The following VWCE variants were observed in gnomAD, a reference collection of about 807,000 sequenced individuals.
The protein encoded by VWCE is von Willebrand factor C and EGF domain-containing protein.
In VWCE, 68 loss-of-function variants were observed where a neutral mutation model predicts 102.9. The observed-to-expected ratio is 0.66, with a 90% CI of 0.54 to 0.81. VWCE has a LOEUF of 0.81. VWCE is among the 30% of genes least tolerant of loss of function. The pLI, the probability that VWCE is intolerant of heterozygous loss-of-function variation, is 0.00. For missense variants in VWCE, 1,137 were observed against 1,263.6 expected, an observed-to-expected ratio of 0.90 and a Z score of 1.52; for synonymous variants, 497 against 515.4, an observed-to-expected ratio of 0.96 and a Z score of 0.48.
In VWCE at chr11:61,294,308, C is replaced by T. The variant is rs1794116423; in HGVS notation, c.110+620G>A. Among the ~76,000 whole-genome samples, 1 of 152,224 alleles carries T rather than the reference C, an allele frequency of 6.6e-6. No individual in the cohort carries two copies. Among genetic ancestry groups the T allele is most frequent in the African/African-American group, 2.4e-5 (1 of 41,458 alleles). On this transcript the variant is annotated intron_variant, in intron 1 of 19. Coordinates refer to ENST00000335613, the MANE Select transcript of VWCE (RefSeq NM_152718.2). The surrounding 1 kb of genome is among the most constrained non-coding windows in gnomAD (Gnocchi z 6.3). ...GGCCGCGGGCCAGGCCGCCTGCTGA[C>T]ACAGTGTTCCCTAGCTCCGAGCATC...
chr11:61,283,019 C>A (rs2134824773), intron 5 of VWCE, 114 bp from the exon 6 acceptor site: 2 of 876,640 alleles, frequency 2.3e-6, no homozygotes, highest in Non-Finnish European at 3.8e-6. Flanking sequence ...CTGTGGGGAA[C>A]CACCTTAGCT....
At chr11:61,262,234 G>A (rs377269896) in intron 19 of VWCE, among the ~76,000 whole-genome samples, 6 of 152,294 alleles carry the variant, frequency 3.9e-5, no homozygotes, top group East Asian at 3.9e-4. Context: ...GATTACAGGC[G>A]TGAGCCACCA....
In VWCE at chr11:61,295,064, T is replaced by A. The variant is rs755097313; in HGVS notation, c.-27A>T. 1 of 1,315,354 alleles carries A rather than the reference T, an allele frequency of 7.6e-7. No individual in the cohort carries two copies. Among genetic ancestry groups the A allele is most frequent in the South Asian group, 1.9e-5 (1 of 51,778 alleles). The allele number at this position is 1,315,354 out of a possible 1,614,324, so 81.5% of individuals were successfully genotyped here. A position where few individuals can be genotyped will look rare whatever the true frequency, so the allele number is the denominator to read the frequency against. On this transcript the variant is annotated 5_prime_UTR_variant, in exon 1 of 20. Coordinates refer to ENST00000335613, the MANE Select transcript of VWCE (RefSeq NM_152718.2). This position sits in a 1 kb window ranked among gnomAD's most constrained non-coding sequence, Gnocchi z 4.6. ...ACCGGCGGCGGCGGGTCCCCCGGGCTGGGCTCGGCTCCTGCGCCGCGCGCG... is the reference window on the plus strand; with the variant it reads ...ACCGGCGGCGGCGGGTCCCCCGGGCAGGGCTCGGCTCCTGCGCCGCGCGCG...
At chr11:61,285,609 T>C (rs1307325307) in intron 5 of VWCE, among the ~76,000 whole-genome samples, 1 of 152,140 alleles carries the variant, frequency 6.6e-6, no homozygotes, top group Admixed American at 6.5e-5. Context: ...GCCCCTCCCA[T>C]GGCTCCTCGG....
intron 10 of VWCE, 50 bp from the exon 11 acceptor site, chr11:61,276,730 T>C (rs1854929553): frequency 1.4e-6 from 2 of 1,453,164 alleles, no homozygotes; most frequent in Non-Finnish European, 9.3e-7. Flanking sequence ...TGGAACAGGG[T>C]TCATTCCCCA....
At chr11:61,289,974 A>G (rs577873728) in intron 4 of VWCE, among the ~76,000 whole-genome samples, 1 of 152,358 alleles carries the variant, frequency 6.6e-6, no homozygotes, top group East Asian at 1.9e-4. Context: ...AAGGTAACAG[A>G]TTTTGTCCGT....
At chr11:61,284,431 C>T (rs1045162636) in intron 5 of VWCE, among the ~76,000 whole-genome samples, 3 of 152,128 alleles carry the variant, frequency 2.0e-5, no homozygotes, top group Admixed American at 1.3e-4. Flanking sequence ...TGCCCATGTA[C>T]GTACGTACAC....
chr11:61,291,187 T>C, intron 3 of VWCE, 77 bp downstream of exon 3: 1 of 1,387,968 alleles, frequency 7.2e-7, no homozygotes, highest in Non-Finnish European at 9.7e-7. Flanking sequence ...AGGACACATC[T>C]CAAGTGCCCA....
intron 1 of VWCE, 59 bp from the exon 2 acceptor site, chr11:61,291,635 G>T: frequency 2.3e-6 from 3 of 1,323,476 alleles, no homozygotes; most frequent in Non-Finnish European, 3.0e-6. Context: ...TTGGTCAACA[G>T]GAAAGTCTCC....
chr11:61,267,538 G>A lies in VWCE; in HGVS notation c.1889C>T (p.Thr630Ile), dbSNP rs149327109. Residue 630 changes from threonine (T) to isoleucine (I), a missense_variant, in exon 16 of 20, where the codon ACC (threonine) becomes ATC (isoleucine). This residue lies in a region of VWCE where 212 missense variants were observed against 235.1 expected (regional missense o/e 0.90). Coordinates refer to ENST00000335613, the MANE Select transcript of VWCE (RefSeq NM_152718.2). ...QCCPDCSAGCTYTGRIFYNNE... is the reference protein window; with the variant it reads ...QCCPDCSAGCIYTGRIFYNNE... The stretch of plus-strand genomic sequence containing the variant: ...GTTATAGAAGATTCTGCCTGTGTAG[G>A]TGCAGCCTGCCAGAGAGAGCATGCG... 3 of 1,614,094 alleles carry A rather than the reference G, an allele frequency of 1.9e-6. No individual in the cohort carries two copies. The highest frequency in any genetic ancestry group is 2.2e-5 in the South Asian group (2 of 91,076).
intron 11 of VWCE, among the ~76,000 whole-genome samples, chr11:61,275,131 C>T (rs1854863226): frequency 1.3e-5 from 2 of 151,950 alleles, no homozygotes; most frequent in African/African-American, 4.8e-5. Flanking sequence ...AGGGGAAGCC[C>T]TAAATAACTA....
intron 19 of VWCE, among the ~76,000 whole-genome samples, chr11:61,263,133 C>T (rs1854406522): frequency 6.6e-6 from 1 of 152,124 alleles, no homozygotes; most frequent in South Asian, 2.1e-4. Context: ...ATGGCGAAAC[C>T]TTGTCTCTAC....
chr11:61,265,278 G>T, intron 16 of VWCE, 66 bp from the exon 17 acceptor site: 1 of 1,357,660 alleles, frequency 7.4e-7, no homozygotes, highest in Non-Finnish European at 9.8e-7. Context: ...TCAGGAAGAT[G>T]CCGCTCCTAT....
chr11:61,292,167 G>A (rs994264621), intron 1 of VWCE, among the ~76,000 whole-genome samples: 17 of 151,676 alleles, frequency 1.1e-4, no homozygotes, highest in African/African-American at 1.7e-4. Context: ...AGGTTGCAGC[G>A]AGCCAAGTTG....
chr11:61,277,445 CAAAAAA>C (rs776374059), intron 10 of VWCE, among the ~76,000 whole-genome samples: 19 of 53,876 alleles, frequency 3.5e-4, no homozygotes, highest in Middle Eastern at 0.012. Flanking sequence ...CCTGCCTCTA[CAAAAAA>C]AAAAAAAAAA....
chr11:61,270,484 T>G (rs1425043578), intron 14 of VWCE, among the ~76,000 whole-genome samples: 1 of 152,202 alleles, frequency 6.6e-6, no homozygotes, highest in Non-Finnish European at 1.5e-5. Context: ...GCAAAAGTAA[T>G]TGCGGTTTCT....
At chr11:61,263,104 C>T (rs1368076936) in intron 19 of VWCE, among the ~76,000 whole-genome samples, 2 of 152,084 alleles carry the variant, frequency 1.3e-5, no homozygotes, top group African/African-American at 4.8e-5. Flanking sequence ...GTCAGAAGTT[C>T]GAGAACAGCC....
chr11:61,282,740 C>T, intron 6 of VWCE, 49 bp downstream of exon 6: 1 of 1,494,218 alleles, frequency 6.7e-7, no homozygotes, highest in Non-Finnish European at 9.3e-7. Flanking sequence ...TGTCCATCCT[C>T]CTGATTGGCA....
chr11:61,294,885 G>T lies in VWCE; in HGVS notation c.110+43C>A, dbSNP rs1398955245. On this transcript the variant is annotated intron_variant, in intron 1 of 19. Coordinates refer to ENST00000335613, the MANE Select transcript of VWCE (RefSeq NM_152718.2). This position sits in a 1 kb window ranked among gnomAD's most constrained non-coding sequence, Gnocchi z 6.3. Reference sequence around the variant, plus strand: ...CGCCTCTCGACTGCACGCCGGTAGCGCTCTCCCGGGCGGGGGAGCGGGGAG... The same window carrying T: ...CGCCTCTCGACTGCACGCCGGTAGCTCTCTCCCGGGCGGGGGAGCGGGGAG... The T allele has an allele frequency of 7.6e-7, 1 of 1,314,012 alleles. No individual in the cohort carries two copies. 81.4% of individuals were successfully genotyped at this position (1,314,012 alleles called of 1,614,324 possible). A position where few individuals can be genotyped will look rare whatever the true frequency, so the allele number is the denominator to read the frequency against.
Sources: allele counts gnomAD v4.1 joint callset (sites outside exome capture counted in the v4.1 genomes callset), GRCh38; gene constraint gnomAD v4.1.1; regional missense constraint gnomAD v4.1.1; non-coding constraint Gnocchi (gnomAD v3.1); transcripts MANE v1.5; gene names NCBI Gene and HGNC (gene_info 2026-07-23, HGNC 2026-07-21).